XKR6: variants seen among roughly 807,000 people sequenced by gnomAD.
XKR6 encodes XK-related protein 6.
A neutral mutation model predicts 56.7 loss-of-function variants in XKR6; 22 were observed. The ratio of observed to expected loss-of-function variants is 0.39; its 90% CI spans 0.28 to 0.55. XKR6 has a LOEUF of 0.55. Ranked by LOEUF, XKR6 falls within the 20% of genes least tolerant of loss-of-function variation. XKR6 has a pLI of 0.66. For synonymous variants in XKR6, 524 were observed against 387.8 expected (o/e 1.35, Z -4.13); for missense variants, 852 against 889.0 (o/e 0.96, Z 0.53).
intron 1 of XKR6, among the ~76,000 whole-genome samples, chr8:11,091,982 C>T (rs761990131): frequency 1.1e-4 from 16 of 152,280 alleles, no homozygotes; most frequent in Admixed American, 3.3e-4. Flanking sequence ...AAAAACCCTG[C>T]GGTTCAGAAT....
intron 1 of XKR6, among the ~76,000 whole-genome samples, chr8:11,098,436 C>T (rs1343087852): frequency 6.6e-6 from 1 of 152,102 alleles, no homozygotes; most frequent in Admixed American, 6.5e-5. Context: ...TTTTTCCTGA[C>T]GCTACTAATG....
Position 10,912,462 on chromosome 8 carries a change from TATATAG to T in XKR6, c.961+12166_961+12171del, listed in dbSNP as rs1192125080. Among the ~76,000 whole-genome samples the T allele has an allele frequency of 3.2e-3, 385 of 118,768 alleles. 5 individuals are homozygous for T. Among genetic ancestry groups the T allele is most frequent in the African/African-American group, 9.6e-3 (258 of 26,944 alleles). The allele number at this position is 118,768 out of a possible 152,430, so 77.9% of individuals were successfully genotyped here. A position where few individuals can be genotyped will look rare whatever the true frequency, so the allele number is the denominator to read the frequency against. ...ATAGGTGAGTGTATATATATATATA[TATATAG>T]AGAGAGAGAGAGAGAGAGAGACAGG... is the stretch of plus-strand genomic sequence containing the variant. On this transcript the variant is annotated intron_variant, in intron 2 of 2. Coordinates refer to ENST00000416569, the MANE Select transcript of XKR6 (RefSeq NM_173683.4).
chr8:11,107,280 T>C (rs1196687351), intron 1 of XKR6, among the ~76,000 whole-genome samples: 2 of 151,864 alleles, frequency 1.3e-5, no homozygotes, highest in South Asian at 2.1e-4. Context: ...GCTCACTGCA[T>C]GCTCAAACTC....
At chr8:10,969,586 G>A (rs1802339154) in intron 1 of XKR6, among the ~76,000 whole-genome samples, 1 of 152,194 alleles carries the variant, frequency 6.6e-6, no homozygotes, top group Admixed American at 6.5e-5. Flanking sequence ...TAAGCCCAAA[G>A]GAAGACCTAA....
chr8:10,988,261 G>C (rs190640535), intron 1 of XKR6, among the ~76,000 whole-genome samples: 3 of 152,234 alleles, frequency 2.0e-5, no homozygotes, highest in African/African-American at 7.2e-5. Flanking sequence ...TGTTTTGTTT[G>C]TTACTGTTTC....
At chr8:11,058,152 C>T (rs188405540) in intron 1 of XKR6, among the ~76,000 whole-genome samples, 37 of 152,222 alleles carry the variant, frequency 2.4e-4, no homozygotes, top group East Asian at 1.7e-3. Flanking sequence ...ATGTGGGAGG[C>T]GGTGGTATCT....
intron 1 of XKR6, among the ~76,000 whole-genome samples, chr8:11,101,730 C>T (rs1236779724): frequency 1.3e-5 from 2 of 152,182 alleles, no homozygotes; most frequent in African/African-American, 4.8e-5. Context: ...GTTTGCAGCC[C>T]TCCGTGATCT....
chr8:11,183,758 A>G (rs1459727262), intron 1 of XKR6, among the ~76,000 whole-genome samples: 1 of 152,190 alleles, frequency 6.6e-6, no homozygotes, highest in East Asian at 1.9e-4. Context: ...TAATATTACT[A>G]TAAGGCCCCT....
chr8:11,098,906 T>TG (rs530150546), intron 1 of XKR6, among the ~76,000 whole-genome samples: 78 of 151,792 alleles, frequency 5.1e-4, no homozygotes, highest in African/African-American at 1.6e-3. Context: ...CATTCCCCCA[T>TG]GGAAAAAAAA....
chr8:10,993,980 C>T (rs1464656976), intron 1 of XKR6, among the ~76,000 whole-genome samples: 1 of 152,222 alleles, frequency 6.6e-6, no homozygotes, highest in African/African-American at 2.4e-5. Flanking sequence ...TTGCTCTGCC[C>T]TATCATGAGG....
intron 1 of XKR6, among the ~76,000 whole-genome samples, chr8:10,932,069 G>C (rs1169386279): frequency 6.6e-6 from 1 of 152,062 alleles, no homozygotes; most frequent in Non-Finnish European, 1.5e-5. Context: ...ATACACAATA[G>C]CAAATAAACA....
intron 1 of XKR6, among the ~76,000 whole-genome samples, chr8:11,017,737 G>A (rs950911055): frequency 2.0e-5 from 3 of 152,196 alleles, no homozygotes; most frequent in East Asian, 3.9e-4. Context: ...TCCTGAGGAC[G>A]GGCTGAGGTT....
intron 1 of XKR6, among the ~76,000 whole-genome samples, chr8:11,021,280 TG>T (rs1387940287): frequency 1.3e-5 from 2 of 152,206 alleles, no homozygotes; most frequent in African/African-American, 4.8e-5. Context: ...TACACTCATG[TG>T]GGTAAAAAGC....
chr8:10,924,896 C>T, intron 1 of XKR6, 66 bp from the exon 2 acceptor site: 6 of 1,517,556 alleles, frequency 4.0e-6, no homozygotes, highest in Non-Finnish European at 5.4e-6. Context: ...AGGACCCTTG[C>T]CATCCCCCTA....
intron 2 of XKR6, among the ~76,000 whole-genome samples, chr8:10,913,063 C>A (rs1800455532): frequency 2.0e-5 from 3 of 146,844 alleles, no homozygotes; most frequent in African/African-American, 5.1e-5. Flanking sequence ...TAGTATATAT[C>A]TATATAGAGA....
At chr8:11,132,767 G>GCACACACGCACA (rs1800171817) in intron 1 of XKR6, among the ~76,000 whole-genome samples, 1 of 138,192 alleles carries the variant, frequency 7.2e-6, no homozygotes, top group Non-Finnish European at 1.5e-5. Context: ...ACACACGCAC[G>GCACACACGCACA]CACACACACA....
At chr8:10,991,292 T>A (rs1797987822) in intron 1 of XKR6, among the ~76,000 whole-genome samples, 1 of 152,142 alleles carries the variant, frequency 6.6e-6, no homozygotes, top group Non-Finnish European at 1.5e-5. Flanking sequence ...CTGGTGCTGA[T>A]GGGAGCTGTC....
At chr8:11,131,681 A>G (rs1027117135) in intron 1 of XKR6, among the ~76,000 whole-genome samples, 1 of 152,174 alleles carries the variant, frequency 6.6e-6, no homozygotes, top group Non-Finnish European at 1.5e-5. Context: ...ATTCTGGTCA[A>G]TGATGGACCA....
chr8:10,997,218 T>C (rs1047069188), intron 1 of XKR6, among the ~76,000 whole-genome samples: 1 of 152,210 alleles, frequency 6.6e-6, no homozygotes, highest in African/African-American at 2.4e-5. Flanking sequence ...ACCAAGTTCA[T>C]GCCAGCCACC....
Sources: gnomAD v4.1 joint callset for allele counts (sites outside exome capture counted in the v4.1 genomes callset) on GRCh38, gnomAD v4.1.1 for gene constraint, MANE v1.5 for transcripts, NCBI Gene and HGNC (gene_info 2026-07-23, HGNC 2026-07-21) for gene names.